The following STARD13 variants were observed in gnomAD, a reference collection of about 807,000 sequenced individuals.
STARD13 encodes the protein StAR related lipid transfer domain containing 13.
Under a neutral mutation model 106.4 loss-of-function variants are expected in STARD13, and 62 were observed. That is an observed-to-expected ratio of 0.58 (90% CI 0.48 to 0.72). The LOEUF (loss-of-function observed/expected upper bound fraction) is 0.72, where lower values mean the gene tolerates loss of function less well. Ranked by LOEUF, STARD13 falls within the 30% of genes least tolerant of loss-of-function variation. STARD13 has a pLI of 0.00. For synonymous variants in STARD13, 565 were observed against 553.0 expected (o/e 1.02, Z -0.31); for missense variants, 1,387 against 1,424.0 (o/e 0.97, Z 0.42).
At chr13:33,351,666 A>T (rs1232865266), upstream of STARD13, among the ~76,000 whole-genome samples, 1 of 152,192 alleles carries the variant, frequency 6.6e-6, no homozygotes, top group Non-Finnish European at 1.5e-5. Context: ...TTTCAAAAGG[A>T]ATTTCTGAAT....
At chr13:33,621,222 A>G in the STARD13 span, among the ~76,000 whole-genome samples, 1 of 151,028 alleles carries the variant, frequency 6.6e-6, no homozygotes, top group Non-Finnish European at 1.5e-5. Context: ...TTAGCAAGAA[A>G]AAGTGAAAAC....
the STARD13 span, among the ~76,000 whole-genome samples, chr13:33,621,272 C>A: frequency 2.8e-4 from 42 of 152,036 alleles, no homozygotes; most frequent in African/African-American, 1.0e-3. Context: ...ACTATTGCTG[C>A]ATATAGAAGA....
the STARD13 span, among the ~76,000 whole-genome samples, chr13:33,374,558 A>G: frequency 1.3e-5 from 2 of 152,230 alleles, no homozygotes; most frequent in Admixed American, 1.3e-4. Context: ...TAAGAGAGAT[A>G]GCGGCAAGCC....
chr13:33,335,765 G>C (rs2077889385), intron 1 of STARD13, among the ~76,000 whole-genome samples: 2 of 152,198 alleles, frequency 1.3e-5, no homozygotes, highest in African/African-American at 2.4e-5. Context: ...CACTGAAGAG[G>C]CAACTTTTTC....
chr13:33,286,999 G>A (rs958991427), upstream of STARD13, among the ~76,000 whole-genome samples: 1 of 152,044 alleles, frequency 6.6e-6, no homozygotes, highest in Non-Finnish European at 1.5e-5. Context: ...GATGTGAAGA[G>A]AAAAAGTCCA....
chr13:33,179,107 A>G (rs1370534438), intron 1 of STARD13, among the ~76,000 whole-genome samples: 1 of 152,240 alleles, frequency 6.6e-6, no homozygotes, highest in East Asian at 1.9e-4. Flanking sequence ...ATAAAGCTCA[A>G]GTTTCTACTC....
chr13:33,114,465 T>C (rs556213542), intron 8 of STARD13, among the ~76,000 whole-genome samples: 1 of 152,334 alleles, frequency 6.6e-6, no homozygotes, highest in South Asian at 2.1e-4. Flanking sequence ...ACCATGTCCA[T>C]TGTGTACTGG....
At chr13:33,143,358 T>C (rs761859960) in intron 3 of STARD13, among the ~76,000 whole-genome samples, 1 of 152,152 alleles carries the variant, frequency 6.6e-6, no homozygotes, top group African/African-American at 2.4e-5. Flanking sequence ...TTCTTGGTCA[T>C]TGTGTAAGTA....
chr13:33,369,581 T>G, the STARD13 span, among the ~76,000 whole-genome samples: 2 of 152,228 alleles, frequency 1.3e-5, no homozygotes, highest in African/African-American at 4.8e-5. Context: ...GGAAATCAAC[T>G]TGAGAACATA....
intron 1 of STARD13, among the ~76,000 whole-genome samples, chr13:33,185,467 C>A (rs1021057793): frequency 6.6e-6 from 1 of 152,158 alleles, no homozygotes; most frequent in African/African-American, 2.4e-5. Context: ...GCTTAGAATT[C>A]TCCATGGTTC....
intron 12 of STARD13, 76 bp downstream of exon 12, chr13:33,109,797 C>T (rs1413683849): frequency 1.4e-6 from 2 of 1,407,072 alleles, no homozygotes; most frequent in Non-Finnish European, 2.0e-6. Flanking sequence ...TGGGAGACAC[C>T]AGGAGAAGTG....
At chr13:33,365,973 A>G in the STARD13 span, among the ~76,000 whole-genome samples, 1 of 152,166 alleles carries the variant, frequency 6.6e-6, no homozygotes, top group Non-Finnish European at 1.5e-5. Flanking sequence ...CATACCAAAA[A>G]TACATCCATT....
chr13:33,486,043 T>G, the STARD13 span, among the ~76,000 whole-genome samples: 1 of 152,132 alleles, frequency 6.6e-6, no homozygotes, highest in Non-Finnish European at 1.5e-5. Flanking sequence ...TAAATCATGG[T>G]CAGAGTGCTC....
At chr13:33,555,446 GT>G in the STARD13 span, among the ~76,000 whole-genome samples, 1 of 152,188 alleles carries the variant, frequency 6.6e-6, no homozygotes, top group Non-Finnish European at 1.5e-5. Flanking sequence ...CTTATTAGGT[GT>G]AAACCTTTTT....
At position 33,177,753 on chromosome 13, in the gene STARD13, A is replaced by G. The variant is rs1432702782; in HGVS notation, c.170-10131T>C. Among the ~76,000 whole-genome samples, 4 of 112,168 alleles carry G rather than the reference A, an allele frequency of 3.6e-5. 1 individual carries two copies. The highest frequency in any genetic ancestry group is 3.6e-5 in the Non-Finnish European group (2 of 55,104). 73.6% of individuals were successfully genotyped at this position (112,168 alleles called of 152,430 possible). ...AAGGGAGGGAGGAAGGAAGGAAAAAAGGAAGGAAGGAAGGAAAGGAAGGAA... is the reference window on the plus strand; with the variant it reads ...AAGGGAGGGAGGAAGGAAGGAAAAAGGGAAGGAAGGAAGGAAAGGAAGGAA... On this transcript the variant is annotated intron_variant, in intron 1 of 13. Transcript: ENST00000336934.
intron 1 of STARD13, among the ~76,000 whole-genome samples, chr13:33,170,090 T>C (rs1883776772): frequency 6.6e-6 from 1 of 152,252 alleles, no homozygotes; most frequent in African/African-American, 2.4e-5. Context: ...TACTATTTGA[T>C]AGCACAACAG....
the STARD13 span, among the ~76,000 whole-genome samples, chr13:33,543,862 T>C: frequency 1.3e-5 from 2 of 152,358 alleles, no homozygotes; most frequent in Non-Finnish European, 2.9e-5. Flanking sequence ...ATAATGCTTT[T>C]TGCTGTTGCA....
At chr13:33,113,668 G>T (rs771700657) in intron 8 of STARD13, 1 of 456,940 alleles carries the variant, frequency 2.2e-6, no homozygotes, top group Non-Finnish European at 4.4e-6. Context: ...GCTTGGAGAA[G>T]AAGAACCAGG....
At chr13:33,460,539 T>C in the STARD13 span, among the ~76,000 whole-genome samples, 1 of 151,924 alleles carries the variant, frequency 6.6e-6, no homozygotes, top group Non-Finnish European at 1.5e-5. Flanking sequence ...ATTAGGTTGA[T>C]ATTTTACTTC....
Sources: gnomAD v4.1 joint callset for allele counts (sites outside exome capture counted in the v4.1 genomes callset) on GRCh38, gnomAD v4.1.1 for gene constraint, MANE v1.5 for transcripts, NCBI Gene and HGNC (gene_info 2026-07-23, HGNC 2026-07-21) for gene names.